MEIS2: variants seen among roughly 807,000 people sequenced by gnomAD.
MEIS2 encodes the protein homeobox protein Meis2.
In MEIS2, 9 loss-of-function variants were observed where a neutral mutation model predicts 58.6. That is an observed-to-expected ratio of 0.15 (90% CI 0.09 to 0.27). The LOEUF is 0.27. MEIS2 is among the 10% of genes least tolerant of loss of function. The probability of loss-of-function intolerance (pLI) is 1.00; values close to 1 mark genes in which losing one functional copy is unlikely to be tolerated. For synonymous variants in MEIS2, 221 were observed against 228.4 expected, an observed-to-expected ratio of 0.97 and a Z score of 0.29; for missense variants, 427 against 635.0, an observed-to-expected ratio of 0.67 and a Z score of 3.52.
intron 6 of MEIS2, among the ~76,000 whole-genome samples, chr15:37,089,939 A>G (rs1251779247): frequency 6.6e-6 from 1 of 152,158 alleles, no homozygotes; most frequent in East Asian, 1.9e-4. Context: ...GTTATTCAGG[A>G]ACTCCACATG....
intron 7 of MEIS2, among the ~76,000 whole-genome samples, chr15:37,080,601 T>C (rs556880467): frequency 1.3e-5 from 2 of 152,286 alleles, no homozygotes; most frequent in African/African-American, 2.4e-5. Flanking sequence ...TCTAGACTTA[T>C]TATCAAACCC....
chr15:36,963,024 A>G lies in MEIS2; in HGVS notation c.901-12624T>C, dbSNP rs182556941. On this transcript the variant is annotated intron_variant, in intron 8 of 11. Coordinates refer to ENST00000561208, the MANE Select transcript of MEIS2 (RefSeq NM_170675.5). ...AGGAGGAATGAAAATTATCTCAAAG[A>G]GATCAAAAGTGTGGATAGAAATCAC... Among the ~76,000 whole-genome samples, 10 of 152,342 alleles carry G rather than the reference A, an allele frequency of 6.6e-5. No individual in the cohort carries two copies. The East Asian group carries it at 1.7e-3, about 26-fold the overall frequency.
intron 7 of MEIS2, among the ~76,000 whole-genome samples, chr15:37,081,599 A>G (rs545452491): frequency 2.2e-4 from 34 of 152,352 alleles, no homozygotes; most frequent in Middle Eastern, 3.4e-3. Flanking sequence ...ATGCTCTTAT[A>G]TATGTGTTTT....
intron 7 of MEIS2, among the ~76,000 whole-genome samples, chr15:37,060,461 C>T (rs972707425): frequency 1.3e-5 from 2 of 152,154 alleles, no homozygotes; most frequent in Non-Finnish European, 2.9e-5. Context: ...ACATATTCTA[C>T]ATTGACACTT....
At chr15:37,036,524 T>A (rs1261265988) in intron 8 of MEIS2, 1 of 212,854 alleles carries the variant, frequency 4.7e-6, no homozygotes, top group African/African-American at 2.3e-5. Context: ...GTTGCTCTCA[T>A]ACTTTTAGCA....
chr15:37,081,935 G>A (rs768175759), intron 7 of MEIS2, among the ~76,000 whole-genome samples: 1 of 152,112 alleles, frequency 6.6e-6, no homozygotes, highest in Admixed American at 6.6e-5. Flanking sequence ...TAACCGAAAC[G>A]CTAAAACTTT....
intron 7 of MEIS2, among the ~76,000 whole-genome samples, chr15:37,052,310 G>GA (rs2062956546): frequency 1.3e-5 from 2 of 152,192 alleles, no homozygotes; most frequent in Non-Finnish European, 2.9e-5. Context: ...GTTTCAGCAG[G>GA]CTGTATCTCA....
chr15:37,014,437 G>C (rs561128278), intron 8 of MEIS2, among the ~76,000 whole-genome samples: 2 of 152,258 alleles, frequency 1.3e-5, no homozygotes, highest in South Asian at 4.1e-4. Context: ...TCCCAAAAGA[G>C]AGAAAACAAC....
At chr15:36,895,306 T>C (rs1567019126) in intron 10 of MEIS2, 45 bp from the exon 11 acceptor site, 2 of 1,533,808 alleles carry the variant, frequency 1.3e-6, no homozygotes, top group Non-Finnish European at 1.8e-6. Context: ...GAAGAAAAGA[T>C]ATACCAAACA....
At chr15:36,893,174 T>C (rs2055974393) in intron 11 of MEIS2, among the ~76,000 whole-genome samples, 1 of 152,200 alleles carries the variant, frequency 6.6e-6, no homozygotes. Flanking sequence ...CATTCAAAGT[T>C]ATGAGTTAAA....
chr15:36,974,628 T>A (rs920695884), intron 8 of MEIS2, among the ~76,000 whole-genome samples: 1 of 152,226 alleles, frequency 6.6e-6, no homozygotes, highest in East Asian at 1.9e-4. Flanking sequence ...TGTTTAAGTC[T>A]GTGGCTTTGA....
chr15:36,969,773 C>G lies in MEIS2; in HGVS notation c.901-19373G>C, dbSNP rs149787061. 1.2e-4 allele frequency among the ~76,000 whole-genome samples: 18 copies of G among 152,302 alleles called. No homozygotes were observed. In the East Asian group the frequency reaches 3.3e-3, roughly 28 times the overall value. ...GTTTGCATTCTCAGTCAAGAAGACT[C>G]ATGTCTGCTCCTTGTTAGTAAATTA... On this transcript the variant is annotated intron_variant, in intron 8 of 11. Coordinates refer to ENST00000561208, the MANE Select transcript of MEIS2 (RefSeq NM_170675.5).
intron 6 of MEIS2, among the ~76,000 whole-genome samples, chr15:37,084,089 G>A (rs544370862): frequency 4.7e-4 from 72 of 152,224 alleles, no homozygotes; most frequent in African/African-American, 1.6e-3. Flanking sequence ...ACTTGATGTG[G>A]TGATGGTTAC....
chr15:36,904,726 G>A (rs560547081), intron 9 of MEIS2, among the ~76,000 whole-genome samples: 22 of 151,398 alleles, frequency 1.5e-4, no homozygotes, highest in South Asian at 1.0e-3. Flanking sequence ...CTGGGTAAAC[G>A]TCCAGAAAGG....
chr15:36,951,573 G>A (rs553518369), intron 8 of MEIS2, among the ~76,000 whole-genome samples: 18 of 152,048 alleles, frequency 1.2e-4, no homozygotes, highest in African/African-American at 4.3e-4. Flanking sequence ...TATCCAAAAT[G>A]CGCACAATTA....
At chr15:37,041,995 A>T (rs1020297175) in intron 7 of MEIS2, among the ~76,000 whole-genome samples, 3 of 152,030 alleles carry the variant, frequency 2.0e-5, no homozygotes, top group African/African-American at 7.2e-5. Context: ...TGGGCAACAT[A>T]GTGAGACCCT....
rs927995646 is a variant in MEIS2, at chr15:37,036,784, A to T, written c.900+30T>A. 1.6e-5 allele frequency: 23 copies of T among 1,479,166 alleles called. No individual in the cohort carries two copies. In the South Asian group the frequency reaches 2.4e-4, roughly 15 times the overall value. 91.6% of individuals were successfully genotyped at this position (1,479,166 alleles called of 1,614,324 possible). ...ACTTGCTAGCAAAACAACAAAAACTATTTTTTTTTTCTCTTTCATCTTGAC... is the reference window on the plus strand; with the variant it reads ...ACTTGCTAGCAAAACAACAAAAACTTTTTTTTTTTTCTCTTTCATCTTGAC... On this transcript the variant is annotated intron_variant, in intron 8 of 11. Transcript: ENST00000561208.
intron 8 of MEIS2, among the ~76,000 whole-genome samples, chr15:36,990,263 T>TACACAC (rs2060229180): frequency 1.3e-5 from 2 of 152,048 alleles, no homozygotes; most frequent in South Asian, 4.2e-4. Flanking sequence ...GTTATTTTTG[T>TACACAC]ACACACTCCC....
chr15:37,025,647 T>C (rs779795779), intron 8 of MEIS2, among the ~76,000 whole-genome samples: 6 of 151,420 alleles, frequency 4.0e-5, no homozygotes, highest in Non-Finnish European at 8.8e-5. Flanking sequence ...TGATTATATA[T>C]ACATTTTAAA....
Sources: gnomAD v4.1 joint callset for allele counts (sites outside exome capture counted in the v4.1 genomes callset) on GRCh38, gnomAD v4.1.1 for gene constraint, MANE v1.5 for transcripts, NCBI Gene and HGNC (gene_info 2026-07-23, HGNC 2026-07-21) for gene names.